The following AAAS variants were observed in gnomAD, a reference collection of about 807,000 sequenced individuals.
The protein encoded by AAAS is aladin WD repeat nucleoporin, also known as aladin.
A neutral mutation model predicts 75.6 loss-of-function variants in AAAS; 60 were observed. The ratio of observed to expected loss-of-function variants is 0.79; its 90% CI spans 0.64 to 0.98. The LOEUF (loss-of-function observed/expected upper bound fraction) is 0.98. Among genes scored for constraint, AAAS ranks in the 50% least tolerant of loss-of-function variants. AAAS has a pLI of 0.00. For synonymous variants in AAAS, 271 were observed against 265.0 expected (o/e 1.02, Z -0.22); for missense variants, 658 against 686.9 (o/e 0.96, Z 0.47).
Position 53,314,737 on chromosome 12 carries a change from GT to G in AAAS, c.545+13del. The G allele has an allele frequency of 6.2e-7, 1 of 1,611,122 alleles. No individual in the cohort carries two copies. The highest frequency in any genetic ancestry group is 8.5e-7 in the Non-Finnish European group (1 of 1,178,510). On this transcript the variant is annotated intron_variant, in intron 6 of 15. Transcript: ENST00000209873. ...ATTGACAAGTCAGAGCCCACCTGGT[GT>G]CCCCACACACACCTGCTGGCATTAT...
chr12:53,319,383 G>A (rs1393264274), intron 2 of AAAS, among the ~76,000 whole-genome samples: 1 of 152,092 alleles, frequency 6.6e-6, no homozygotes, highest in East Asian at 1.9e-4. Flanking sequence ...GTAGAGAAAA[G>A]AACATGGTTT....
rs997673924 is a variant in AAAS, at chr12:53,308,616, G to A, written c.1088-88C>T. 1.4e-5 allele frequency: 23 copies of A among 1,597,326 alleles called. 1 individual carries two copies. The South Asian group carries it at 1.5e-4, about 11-fold the overall frequency. ...AGCTCACCAAAGGCATCAACACCTCGAAATCTCCTAAGCTTCTATATTTCC... is the reference window on the plus strand; with the variant it reads ...AGCTCACCAAAGGCATCAACACCTCAAAATCTCCTAAGCTTCTATATTTCC... On this transcript the variant is annotated intron_variant, in intron 11 of 15. Transcript: ENST00000209873.
Position 53,307,887 on chromosome 12 carries a change from G to A in AAAS, c.1374C>T (p.Ile458=), listed in dbSNP as rs1391651442. The A allele has an allele frequency of 1.2e-6, 2 of 1,614,232 alleles. No homozygotes were observed. The highest frequency in any genetic ancestry group is 1.1e-5 in the South Asian group (1 of 91,080). The change falls in exon 15 of 16, where the codon ATC becomes ATT. Residue 458 remains isoleucine (I), a synonymous_variant. Transcript: ENST00000209873. ...QGEPGAQPQL[I]TFHPSFNKGA... ...CTTTGTTGAAGGAAGGATGGAAAGTGATGAGCTGGGGCTGGGCTCCTGGCT... is the reference window on the plus strand; with the variant it reads ...CTTTGTTGAAGGAAGGATGGAAAGTAATGAGCTGGGGCTGGGCTCCTGGCT...
chr12:53,308,061 AGCTCAAACACAGG>A lies in AAAS; in HGVS notation c.1309_1321del (p.Pro437SerfsTer110). ...CCCACATGGCACTTACCAGGGAAGGAGCTCAAACACAGGGCTGTTTCGAGTGCGAAAAAGGAGG... is the reference window on the plus strand; with the variant it reads ...CCCACATGGCACTTACCAGGGAAGGAGCTGTTTCGAGTGCGAAAAAGGAGG... On this transcript the variant is annotated frameshift_variant, in exon 14 of 16. Coordinates refer to ENST00000209873, the MANE Select transcript of AAAS (RefSeq NM_015665.6). LOFTEE classifies it high-confidence loss of function. 1 of 1,614,228 alleles carries A rather than the reference AGCTCAAACACAGG, an allele frequency of 6.2e-7. No homozygotes were observed. Among genetic ancestry groups the A allele is most frequent in the Non-Finnish European group, 8.5e-7 (1 of 1,180,028 alleles).
At chr12:53,320,459 C>T in intron 2 of AAAS, 106 bp downstream of exon 2, 1 of 1,494,264 alleles carries the variant, frequency 6.7e-7, no homozygotes, top group Non-Finnish European at 9.3e-7. Flanking sequence ...CTCGTGGAGA[C>T]AGCCTGAATA....
In AAAS at chr12:53,307,653, G is replaced by C; in HGVS notation, c.1477C>G (p.Arg493Gly). 1 of 1,614,190 alleles carries C rather than the reference G, an allele frequency of 6.2e-7. No individual in the cohort carries two copies. Among genetic ancestry groups the C allele is most frequent in the Non-Finnish European group, 8.5e-7 (1 of 1,180,036 alleles). ...GCCCGCCCAAGCACTGGGCTAAAAC[G>C]TGGAAACTGGGCATTGACAAAGTAC... The part of the protein sequence containing the change: ...PLYFVNAQFP[R>G]FSPVLGRAQE... The change falls in exon 16 of 16, where the codon CGT becomes GGT. Residue 493 changes from arginine to glycine, a missense_variant. Transcript: ENST00000209873.
rs146223674 is a variant in AAAS, at chr12:53,307,660, C to T, written c.1470G>A (p.Gln490=). Residue 490 remains glutamine (Q), a synonymous_variant, in exon 16 of 16, where the codon CAG becomes CAA. Coordinates refer to ENST00000209873, the MANE Select transcript of AAAS (RefSeq NM_015665.6). ...CAAGCACTGGGCTAAAACGTGGAAA[C>T]TGGGCATTGACAAAGTACAGCGGGA... ...AHIPLYFVNA[Q]FPRFSPVLGR... 6.2e-7 allele frequency: 1 copy of T among 1,614,082 alleles called. No homozygotes were observed. The highest frequency in any genetic ancestry group is 8.5e-7 in the Non-Finnish European group (1 of 1,180,050).
At chr12:53,309,831 G>C in intron 7 of AAAS, 110 bp from the exon 8 acceptor site, 1 of 1,495,258 alleles carries the variant, frequency 6.7e-7, no homozygotes, top group Non-Finnish European at 9.1e-7. Context: ...CCCACTCTGG[G>C]CTCAAATCCA....
chr12:53,309,846 G>T, intron 7 of AAAS, 125 bp from the exon 8 acceptor site: 2 of 1,399,084 alleles, frequency 1.4e-6, no homozygotes, highest in Non-Finnish European at 2.0e-6. Context: ...AATCCAGGTT[G>T]TGAAAAAGGA....
At chr12:53,317,322 C>G (rs1406863138) in intron 2 of AAAS, among the ~76,000 whole-genome samples, 1 of 152,036 alleles carries the variant, frequency 6.6e-6, no homozygotes, top group Non-Finnish European at 1.5e-5. Flanking sequence ...CTTTGGGAGG[C>G]TGAGGCGGGC....
chr12:53,310,891 T>C (rs979511079), intron 7 of AAAS, among the ~76,000 whole-genome samples: 4 of 152,234 alleles, frequency 2.6e-5, no homozygotes, highest in African/African-American at 9.6e-5. Flanking sequence ...CTATAATTTA[T>C]TGAGTCATGC....
chr12:53,307,980 A>T, intron 14 of AAAS, 51 bp from the exon 15 acceptor site: 1 of 1,612,580 alleles, frequency 6.2e-7, no homozygotes, highest in African/African-American at 1.3e-5. Context: ...AGCTGAATGT[A>T]GTGGGATGTG....
chr12:53,320,502 G>C, intron 2 of AAAS, 63 bp downstream of exon 2: 3 of 1,609,354 alleles, frequency 1.9e-6, no homozygotes, highest in Non-Finnish European at 2.5e-6. Flanking sequence ...AAGGTAAAGG[G>C]GTGTTGACTC....
At chr12:53,316,884 A>G (rs1469029177) in intron 2 of AAAS, among the ~76,000 whole-genome samples, 1 of 148,184 alleles carries the variant, frequency 6.7e-6, no homozygotes, top group Non-Finnish European at 1.5e-5. Flanking sequence ...GCTTGAGACC[A>G]GCCTAGGCAA....
At position 53,307,898 on chromosome 12, in the gene AAAS, G is replaced by A. The variant is rs777566590; in HGVS notation, c.1363C>T (p.Pro455Ser). ...GIIQGEPGAQPQLITFHPSFN... is the reference protein window; with the variant it reads ...GIIQGEPGAQSQLITFHPSFN... ...GAAGGATGGAAAGTGATGAGCTGGG[G>A]CTGGGCTCCTGGCTCCCCCTGGATA... The change falls in exon 15 of 16, where the codon CCC becomes TCC. Residue 455 changes from proline to serine, a missense_variant. Transcript: ENST00000209873. 1 of 1,614,244 alleles carries A rather than the reference G, an allele frequency of 6.2e-7. No individual in the cohort carries two copies. The highest frequency in any genetic ancestry group is 8.5e-7 in the Non-Finnish European group (1 of 1,180,038).
At chr12:53,315,607 G>A in intron 3 of AAAS, 120 bp downstream of exon 3, 1 of 1,336,782 alleles carries the variant, frequency 7.5e-7, no homozygotes, top group Non-Finnish European at 1.1e-6. Flanking sequence ...GGTAGGTAGA[G>A]GAGAGGACAG....
In AAAS at chr12:53,308,833, AAGGCAGG is replaced by A; in HGVS notation, c.997-25_997-19del. ...CAGCCAGTCTGGGGTCAGGGAGCAA[AAGGCAGG>A]AGAAGGTATGTCTATAGTAGAATGC... is the stretch of plus-strand genomic sequence containing the variant. On this transcript the variant is annotated intron_variant, in intron 10 of 15. Transcript: ENST00000209873. 1.2e-6 allele frequency: 2 copies of A among 1,613,896 alleles called. No homozygotes were observed. The highest frequency in any genetic ancestry group is 1.7e-6 in the Non-Finnish European group (2 of 1,179,998).
At chr12:53,318,454 A>G (rs1290165137) in intron 2 of AAAS, among the ~76,000 whole-genome samples, 1 of 152,006 alleles carries the variant, frequency 6.6e-6, no homozygotes, top group Non-Finnish European at 1.5e-5. Flanking sequence ...CTCAAGTGAT[A>G]CACCCGCCTT....
chr12:53,313,587 C>T (rs914634912), intron 7 of AAAS, among the ~76,000 whole-genome samples: 2 of 151,476 alleles, frequency 1.3e-5, no homozygotes, highest in Non-Finnish European at 2.9e-5. Flanking sequence ...AGGTGTGAGC[C>T]ACTGTTCCCA....
Sources: allele counts gnomAD v4.1 joint callset (sites outside exome capture counted in the v4.1 genomes callset), GRCh38; gene constraint gnomAD v4.1.1; transcripts MANE v1.5; gene names NCBI Gene and HGNC (gene_info 2026-07-23, HGNC 2026-07-21).